Variants in PDE10A observed in about 807,000 individuals in gnomAD.
PDE10A encodes the protein phosphodiesterase 10A.
In PDE10A, 39 loss-of-function variants were observed where a neutral mutation model predicts 97.7. The observed-to-expected ratio is 0.40, with a 90% CI of 0.31 to 0.52. The LOEUF is 0.52. Among genes scored for constraint, PDE10A ranks in the 20% least tolerant of loss-of-function variants. The probability of loss-of-function intolerance (pLI) is 0.56; values close to 1 mark genes in which losing one functional copy is unlikely to be tolerated. For synonymous variants in PDE10A, 371 were observed against 376.8 expected, an observed-to-expected ratio of 0.98 and a Z score of 0.18; for missense variants, 731 against 1,047.8, an observed-to-expected ratio of 0.70 and a Z score of 4.17.
intron 1 of PDE10A, chr6:165,775,265 T>C (rs991128572): frequency 6.6e-6 from 1 of 152,150 alleles, no homozygotes; most frequent in African/African-American, 2.4e-5. Flanking sequence ...ACAAGAACGG[T>C]GATATCATAA....
intron 1 of PDE10A, among the ~76,000 whole-genome samples, chr6:165,931,501 A>G (rs546446440): frequency 1.3e-5 from 2 of 152,354 alleles, no homozygotes; most frequent in Non-Finnish European, 2.9e-5. Context: ...AGGCAGAACT[A>G]ATTCTGTGGT....
intron 14 of PDE10A, among the ~76,000 whole-genome samples, chr6:165,395,471 A>G (rs1786090977): frequency 2.0e-5 from 3 of 152,154 alleles, no homozygotes; most frequent in Admixed American, 2.0e-4. Context: ...CTAGTCCAAT[A>G]TTTGAGTTAT....
chr6:165,619,550 T>C, intron 1 of PDE10A, among the ~76,000 whole-genome samples: 1 of 150,028 alleles, frequency 6.7e-6, no homozygotes. Context: ...TAGTGTAGTG[T>C]AGTCTAGTGT....
chr6:165,332,969 T>A lies in PDE10A; in HGVS notation c.*56A>T. ...CCCCCCCAAAAAAAGGAAAAGAATG[T>A]CAAAGAAGCAAGATGAGGATCTGTA... is the stretch of plus-strand genomic sequence containing the variant. On this transcript the variant is annotated 3_prime_UTR_variant, in exon 22 of 22. Coordinates refer to ENST00000539869, the MANE Select transcript of PDE10A (RefSeq NM_001385079.1). The A allele has an allele frequency of 2.6e-6, 2 of 773,978 alleles. No individual in the cohort carries two copies. Among genetic ancestry groups the A allele is most frequent in the Admixed American group, 2.1e-5 (1 of 47,442 alleles). 47.9% of individuals were successfully genotyped at this position (773,978 alleles called of 1,614,324 possible).
rs2128192866 is a variant in PDE10A, at chr6:165,361,073, A to G, written c.2784-17571T>C. Reference sequence around the variant, plus strand: ...GAAAAGGCAAACAGATTAAAAGAGAATTGTATAACTATCTCTATTTGAAGA... The same window carrying G: ...GAAAAGGCAAACAGATTAAAAGAGAGTTGTATAACTATCTCTATTTGAAGA... On this transcript the variant is annotated intron_variant, in intron 18 of 21. Coordinates refer to ENST00000539869, the MANE Select transcript of PDE10A (RefSeq NM_001385079.1). Among the ~76,000 whole-genome samples the G allele has an allele frequency of 1.3e-5, 2 of 152,348 alleles. 1 individual carries two copies. The highest frequency in any genetic ancestry group is 4.1e-4 in the South Asian group (2 of 4,826).
At chr6:165,466,648 C>T (rs571706767) in intron 3 of PDE10A, among the ~76,000 whole-genome samples, 2 of 152,240 alleles carry the variant, frequency 1.3e-5, no homozygotes, top group East Asian at 3.9e-4. Flanking sequence ...TATTATTGTA[C>T]CTGTTAAGGT....
At chr6:165,575,476 GCT>G (rs1583570822) in intron 1 of PDE10A, among the ~76,000 whole-genome samples, 1 of 152,024 alleles carries the variant, frequency 6.6e-6, no homozygotes, top group African/African-American at 2.4e-5. Flanking sequence ...AACTCAGCTG[GCT>G]CTCTTTTTTG....
chr6:165,425,298 A>G (rs1383923054), intron 10 of PDE10A, among the ~76,000 whole-genome samples: 3 of 152,200 alleles, frequency 2.0e-5, no homozygotes, highest in Admixed American at 1.3e-4. Flanking sequence ...TATCAATTCA[A>G]GTTTTCTATA....
chr6:165,333,041 GC>G lies in PDE10A; in HGVS notation c.3151del (p.Ala1051LeufsTer11). 1 of 1,605,306 alleles carries G rather than the reference GC, an allele frequency of 6.2e-7. No homozygotes were observed. The highest frequency in any genetic ancestry group is 8.5e-7 in the Non-Finnish European group (1 of 1,172,336). On this transcript the variant is annotated frameshift_variant, in exon 22 of 22. Transcript: ENST00000539869. LOFTEE classifies it high-confidence loss of function. ...GACCAGTGCTCAATCTTCAGATGCA[GC>G]TGCCTTCTGAGCCACGGATGGGGAT... is the stretch of plus-strand genomic sequence containing the variant. ...ISSPSVAQKA[A>X]ASED
chr6:165,987,959 G>A, upstream of PDE10A: 2 of 384,488 alleles, frequency 5.2e-6, no homozygotes, highest in Non-Finnish European at 5.2e-6. Context: ...TAGAACATGA[G>A]TGCTTGTGTG....
intron 1 of PDE10A, among the ~76,000 whole-genome samples, chr6:165,679,471 C>T (rs530636541): frequency 1.2e-4 from 18 of 152,312 alleles, no homozygotes; most frequent in East Asian, 3.9e-4. Context: ...TCTCACCGGC[C>T]GCTACCTCCC....
chr6:165,980,749 G>A (rs893302225), intron 1 of PDE10A, among the ~76,000 whole-genome samples: 1 of 152,068 alleles, frequency 6.6e-6, no homozygotes, highest in East Asian at 1.9e-4. Flanking sequence ...GTTGCCATGT[G>A]TGTATAATAT....
chr6:165,714,760 C>T (rs368678195), intron 1 of PDE10A, among the ~76,000 whole-genome samples: 12 of 152,238 alleles, frequency 7.9e-5, no homozygotes, highest in African/African-American at 2.9e-4. Flanking sequence ...CCAGTGGATG[C>T]ACCCCCAGAG....
intron 13 of PDE10A, among the ~76,000 whole-genome samples, chr6:165,397,259 TAAATA>T (rs1429384312): frequency 2.0e-5 from 3 of 152,198 alleles, no homozygotes; most frequent in Non-Finnish European, 1.5e-5. Context: ...TGTGAATTAT[TAAATA>T]GGTGAGATTA....
rs529161651 is a variant in PDE10A, at chr6:165,810,869, T to TAGTGGGAACACCACTAGTA, written c.-615+176659_-615+176660insTACTAGTGGTGTTCCCACT. Among the ~76,000 whole-genome samples the TAGTGGGAACACCACTAGTA allele has an allele frequency of 1.4e-3, 214 of 152,274 alleles. 1 individual carries two copies. The highest frequency in any genetic ancestry group is 5.0e-3 in the African/African-American group (207 of 41,544). ...TCTTTCCTAACACCACTTTGGGAAC[T>TAGTGGGAACACCACTAGTA]GCTACTAGATTAATCTTTCTAAGGT... On this transcript the variant is annotated intron_variant, in intron 1 of 19. Coordinates refer to the PDE10A transcript ENST00000366882.
chr6:165,769,699 T>C (rs1777953050), intron 1 of PDE10A, among the ~76,000 whole-genome samples: 1 of 152,096 alleles, frequency 6.6e-6, no homozygotes, highest in Non-Finnish European at 1.5e-5. Flanking sequence ...ATTAGCAAAA[T>C]TGCCCGCGAA....
chr6:165,895,541 G>A (rs1196764843), intron 1 of PDE10A, among the ~76,000 whole-genome samples: 4 of 152,336 alleles, frequency 2.6e-5, no homozygotes, highest in East Asian at 1.9e-4. Flanking sequence ...CCACCTGGCT[G>A]TGGCCCTTTG....
At chr6:165,557,873 T>C (rs934691434) in intron 1 of PDE10A, among the ~76,000 whole-genome samples, 1 of 152,214 alleles carries the variant, frequency 6.6e-6, no homozygotes, top group African/African-American at 2.4e-5. Context: ...ATAAGCATGC[T>C]GCAAGGTCGA....
chr6:165,408,162 G>A lies in PDE10A; in HGVS notation c.2076+5339C>T, dbSNP rs563976363. On this transcript the variant is annotated intron_variant, in intron 13 of 21. Transcript: ENST00000539869. ...TACGGACACAATAATTTGTTCAACA[G>A]CAGAAATACTCTGAATTCCCCAAGA... Among the ~76,000 whole-genome samples, 12 of 150,890 alleles carry A rather than the reference G, an allele frequency of 8.0e-5. No homozygotes were observed. The South Asian group carries it at 2.5e-3, about 32-fold the overall frequency.
Sources: gnomAD v4.1 joint callset for allele counts (sites outside exome capture counted in the v4.1 genomes callset) on GRCh38, gnomAD v4.1.1 for gene constraint, MANE v1.5 for transcripts, NCBI Gene and HGNC (gene_info 2026-07-23, HGNC 2026-07-21) for gene names.